Variants in FGD6 observed in about 807,000 individuals in gnomAD.
The protein encoded by FGD6 is FYVE, RhoGEF and PH domain containing 6.
Under a neutral mutation model 149.4 loss-of-function variants are expected in FGD6, and 90 were observed. The observed-to-expected ratio is 0.60, with a 90% CI of 0.51 to 0.72. The LOEUF is 0.72. Among genes scored for constraint, FGD6 ranks in the 30% least tolerant of loss-of-function variants. The pLI, the probability that FGD6 is intolerant of heterozygous loss-of-function variation, is 0.00. For missense variants in FGD6, 1,437 were observed against 1,684.8 expected (o/e 0.85, Z 2.57); for synonymous variants, 527 against 584.0 (o/e 0.90, Z 1.41).
chr12:95,123,626 A>C (rs544846927), intron 8 of FGD6, among the ~76,000 whole-genome samples: 59 of 150,060 alleles, frequency 3.9e-4, no homozygotes, highest in African/African-American at 1.3e-3. Flanking sequence ...CAGTGGCGCT[A>C]TCTCTGCTTA....
At chr12:95,104,985 A>G (rs766492401) in intron 14 of FGD6, 22 bp downstream of exon 14, 72 of 1,561,784 alleles carry the variant, frequency 4.6e-5, no homozygotes, top group Non-Finnish European at 5.9e-5. Flanking sequence ...AAAAAAAAAA[A>G]AAAGAAGAAG....
At chr12:95,197,167 G>A (rs1411957415) in intron 2 of FGD6, among the ~76,000 whole-genome samples, 7 of 151,950 alleles carry the variant, frequency 4.6e-5, no homozygotes, top group East Asian at 1.9e-4. Context: ...GGCCAGGCAC[G>A]GTGGCTCATG....
rs372904251 is a variant in FGD6 at position 95,153,165 on chromosome 12, C to T, written c.2587-172G>A. On this transcript the variant is annotated intron_variant, in intron 3 of 20. Coordinates refer to ENST00000343958, the MANE Select transcript of FGD6 (RefSeq NM_018351.4). ...GTGGAGAATTGGATGAGGGATAAACCATGTCACAGGAATAGCTGAGAGCAA... is the reference window on the plus strand; with the variant it reads ...GTGGAGAATTGGATGAGGGATAAACTATGTCACAGGAATAGCTGAGAGCAA... Among the ~76,000 whole-genome samples the T allele has an allele frequency of 1.4e-4, 21 of 152,280 alleles. No homozygotes were observed. The East Asian group carries it at 1.5e-3, about 11-fold the overall frequency.
chr12:95,154,633 G>A (rs1413678373), intron 3 of FGD6, among the ~76,000 whole-genome samples: 3 of 152,182 alleles, frequency 2.0e-5, no homozygotes, highest in African/African-American at 4.8e-5. Flanking sequence ...TTGAAGAAAC[G>A]TCAGACCTGG....
At position 95,149,993 on chromosome 12, in the gene FGD6, T is replaced by TACACACACACAC. The variant is rs10652699; in HGVS notation, c.2685+2806_2685+2817dup. Among the ~76,000 whole-genome samples the TACACACACACAC allele has an allele frequency of 7.4e-3, 976 of 131,978 alleles. 9 individuals carry two copies. Among genetic ancestry groups the TACACACACACAC allele is most frequent in the African/African-American group, 0.02 (687 of 35,124 alleles). The allele number at this position is 131,978 out of a possible 152,430, so 86.6% of individuals were successfully genotyped here. A position where few individuals can be genotyped will look rare whatever the true frequency, so the allele number is the denominator to read the frequency against. The stretch of plus-strand genomic sequence containing the variant: ...ATAGTATACTATATATGCTATATAT[T>TACACACACACAC]ACACACACACACACACACACACACA... On this transcript the variant is annotated intron_variant, in intron 5 of 20. Coordinates refer to ENST00000343958, the MANE Select transcript of FGD6 (RefSeq NM_018351.4).
chr12:95,144,456 G>GCA (rs1259944895), intron 5 of FGD6, among the ~76,000 whole-genome samples: 1 of 150,034 alleles, frequency 6.7e-6, no homozygotes, highest in Non-Finnish European at 1.5e-5. Flanking sequence ...GCAATGGCGT[G>GCA]ATCTCAGCTC....
rs1011478609 is a variant in FGD6 at position 95,078,880 on chromosome 12, C to T, written c.*2640G>A. On this transcript the variant is annotated 3_prime_UTR_variant, in exon 21 of 21. Coordinates refer to ENST00000343958, the MANE Select transcript of FGD6 (RefSeq NM_018351.4). Reference sequence around the variant, plus strand: ...AGCTTTATAAATGCCCTACTCTTTCCTCCTTATGAATTAAAAGGAGATACC... The same window carrying T: ...AGCTTTATAAATGCCCTACTCTTTCTTCCTTATGAATTAAAAGGAGATACC... The T allele has an allele frequency of 1.3e-5, 2 of 152,102 alleles. No homozygotes were observed. The highest frequency in any genetic ancestry group is 3.9e-4 in the East Asian group (2 of 5,186). The allele number at this position is 152,102 out of a possible 1,614,324, so 9.4% of individuals were successfully genotyped here. A position where few individuals can be genotyped will look rare whatever the true frequency, so the allele number is the denominator to read the frequency against.
chr12:95,178,972 A>G lies in FGD6; in HGVS notation c.2442-6228T>C, dbSNP rs148329658. On this transcript the variant is annotated intron_variant, in intron 2 of 20. Transcript: ENST00000343958. ...CTAGGGTTCTATGGCTTCAAAAAAAAAGAAATCACACAAAAATATCCAGCT... is the reference window on the plus strand; with the variant it reads ...CTAGGGTTCTATGGCTTCAAAAAAAGAGAAATCACACAAAAATATCCAGCT... 3.0e-3 allele frequency among the ~76,000 whole-genome samples: 459 copies of G among 152,296 alleles called. 3 individuals carry two copies. Among genetic ancestry groups the G allele is most frequent in the African/African-American group, 0.01 (429 of 41,562 alleles).
At position 95,137,717 on chromosome 12, in the gene FGD6, G is replaced by T. The variant is rs1879712764; in HGVS notation, c.2838-39C>A. ...AGAGATACACAAAAAAATATAAAGA[G>T]AGATTGATGAACATATGCAATGATA... On this transcript the variant is annotated intron_variant, in intron 6 of 20. Coordinates refer to ENST00000343958, the MANE Select transcript of FGD6 (RefSeq NM_018351.4). The T allele has an allele frequency of 3.5e-6, 5 of 1,442,950 alleles. No individual in the cohort carries two copies. The African/African-American group carries it at 7.1e-5, about 21-fold the overall frequency. The allele number at this position is 1,442,950 out of a possible 1,614,324, so 89.4% of individuals were successfully genotyped here. A position where few individuals can be genotyped will look rare whatever the true frequency, so the allele number is the denominator to read the frequency against.
At chr12:95,160,603 C>G (rs1025158639) in intron 3 of FGD6, among the ~76,000 whole-genome samples, 2 of 152,180 alleles carry the variant, frequency 1.3e-5, no homozygotes, top group Admixed American at 6.6e-5. Context: ...TTGTCCCTGA[C>G]CAGCTGCCTC....
intron 5 of FGD6, among the ~76,000 whole-genome samples, chr12:95,149,213 T>G (rs865786164): frequency 0.011 from 270 of 23,850 alleles, 133 homozygotes; most frequent in African/African-American, 0.025. Flanking sequence ...TATTATATAT[T>G]ATATAATATA....
At position 95,079,650 on chromosome 12, in the gene FGD6, A is replaced by T. The variant is rs773344595; in HGVS notation, c.*1870T>A. 6.6e-6 allele frequency: 1 copy of T among 152,232 alleles called. No individual in the cohort carries two copies. Among genetic ancestry groups the T allele is most frequent in the Admixed American group, 6.5e-5 (1 of 15,278 alleles). 9.4% of individuals were successfully genotyped at this position (152,232 alleles called of 1,614,324 possible). ...TTGATTATATAAAATTGAGCTACAA[A>T]GAAATTTTAGTGTACCTGCTATGAC... On this transcript the variant is annotated 3_prime_UTR_variant, in exon 21 of 21. Transcript: ENST00000343958.
chr12:95,113,627 T>C, intron 9 of FGD6, 24 bp downstream of exon 9: 1 of 1,559,276 alleles, frequency 6.4e-7, no homozygotes, highest in African/African-American at 1.4e-5. Flanking sequence ...TATAAAAACT[T>C]CTGCAACCAC....
At chr12:95,213,978 T>TA (rs1348839385) in intron 1 of FGD6, among the ~76,000 whole-genome samples, 2 of 152,172 alleles carry the variant, frequency 1.3e-5, no homozygotes, top group East Asian at 3.8e-4. Flanking sequence ...TCCTTCCTTA[T>TA]AAATGGGGGA....
intron 5 of FGD6, among the ~76,000 whole-genome samples, chr12:95,146,218 C>T (rs1880012732): frequency 6.6e-6 from 1 of 152,190 alleles, no homozygotes; most frequent in African/African-American, 2.4e-5. Flanking sequence ...AACTTCTCAG[C>T]TCTTCACGAA....
At chr12:95,165,996 T>A (rs1033197974) in intron 3 of FGD6, among the ~76,000 whole-genome samples, 1 of 150,676 alleles carries the variant, frequency 6.6e-6, no homozygotes. Context: ...GGTCTTGCTC[T>A]GTTGCTCAGG....
Position 95,141,483 on chromosome 12 carries a change from C to T in FGD6, c.2742G>A (p.Glu914=), listed in dbSNP as rs1477496950. ...ATAGGATCTGATTTAGAATCCGGTC[C>T]TCAATCACTGGTTTCCCAAGTTGCC... is the stretch of plus-strand genomic sequence containing the variant. ...ASRQLGKPVI[E]DRILNQILYY... Residue 914 remains glutamate, a synonymous_variant, in exon 6 of 21, where the codon GAG becomes GAA. Transcript: ENST00000343958. The T allele has an allele frequency of 2.5e-6, 4 of 1,614,032 alleles. No individual in the cohort carries two copies. In the African/African-American group the frequency reaches 4.0e-5, roughly 16 times the overall value.
chr12:95,138,112 G>T (rs1200468747), intron 6 of FGD6, among the ~76,000 whole-genome samples: 1 of 151,888 alleles, frequency 6.6e-6, no homozygotes, highest in African/African-American at 2.4e-5. Flanking sequence ...CCCAAGACAG[G>T]AGAATTGTTT....
At chr12:95,192,208 G>A (rs1881609717) in intron 2 of FGD6, among the ~76,000 whole-genome samples, 1 of 152,158 alleles carries the variant, frequency 6.6e-6, no homozygotes, top group African/African-American at 2.4e-5. Context: ...AAGCAGCTTA[G>A]TGAATCCATG....
Sources: allele counts gnomAD v4.1 joint callset (sites outside exome capture counted in the v4.1 genomes callset), GRCh38; gene constraint gnomAD v4.1.1; transcripts MANE v1.5; gene names NCBI Gene and HGNC (gene_info 2026-07-23, HGNC 2026-07-21).